Variants in SLCO1B3 observed in about 807,000 individuals in gnomAD.
SLCO1B3 encodes solute carrier organic anion transporter family member 1B3, also known as liver-specific organic anion transporter 2.
In SLCO1B3, 72 loss-of-function variants were observed where a neutral mutation model predicts 71.8. The observed-to-expected ratio is 1.00, with a 90% confidence interval of 0.83 to 1.22. The LOEUF (loss-of-function observed/expected upper bound fraction) is 1.22, where lower values mean the gene tolerates loss of function less well. SLCO1B3 is among the 50% of genes most tolerant of loss of function. SLCO1B3 has a pLI of 0.00. For synonymous variants in SLCO1B3, 298 were observed against 278.4 expected (o/e 1.07, Z -0.70); for missense variants, 911 against 819.7 (o/e 1.11, Z -1.36).
chr12:20,842,855 G>A (rs146178902), intron 3 of SLCO1B3, among the ~76,000 whole-genome samples: 331 of 152,168 alleles, frequency 2.2e-3, no homozygotes, highest in African/African-American at 6.1e-3. Context: ...TAAAGACTTC[G>A]AGAAGTGATT....
intron 5 of SLCO1B3, among the ~76,000 whole-genome samples, chr12:20,860,601 G>GTGTGTGTGTT (rs1865241859): frequency 3.9e-5 from 4 of 103,758 alleles, no homozygotes; most frequent in African/African-American, 2.2e-4. Context: ...CAAGCACTTT[G>GTGTGTGTGTT]TGTGTGTGTG....
At chr12:20,910,072 T>C (rs192703548) in intron 15 of SLCO1B3, among the ~76,000 whole-genome samples, 1 of 152,314 alleles carries the variant, frequency 6.6e-6, no homozygotes, top group African/African-American at 2.4e-5. Context: ...CTTACTCCTG[T>C]GTTACGTCCT....
At chr12:20,868,870 C>G (rs1439849329) in intron 8 of SLCO1B3, among the ~76,000 whole-genome samples, 2 of 152,110 alleles carry the variant, frequency 1.3e-5, no homozygotes, top group African/African-American at 4.8e-5. Flanking sequence ...TGCCTGGCAG[C>G]CGAGGCAGAG....
In SLCO1B3 at chr12:20,836,474, C is replaced by G. The variant is rs1471363639; in HGVS notation, c.85-18554C>G. Among the ~76,000 whole-genome samples, 3 of 151,822 alleles carry G rather than the reference C, an allele frequency of 2.0e-5. No homozygotes were observed. In the East Asian group the frequency reaches 5.8e-4, roughly 29 times the overall value. On this transcript the variant is annotated intron_variant, in intron 3 of 15. Transcript: ENST00000381545. ...CTACATTTTTTTGTTATTGTAATAT[C>G]TTGGATTTTAGTATCAGGGTAATGC...
At chr12:20,901,833 G>A (rs1449887324) in intron 15 of SLCO1B3, 1 of 401,824 alleles carries the variant, frequency 2.5e-6, no homozygotes, top group African/African-American at 2.2e-5. Flanking sequence ...ACCAGCTGCA[G>A]CTCTGGTTAT....
chr12:20,898,550 A>G, intron 14 of SLCO1B3, 50 bp downstream of exon 14: 4 of 886,742 alleles, frequency 4.5e-6, no homozygotes, highest in Non-Finnish European at 7.1e-6. Flanking sequence ...TATTAATGTT[A>G]AATACTAAAG....
At chr12:20,835,238 C>T (rs1344694909) in intron 3 of SLCO1B3, among the ~76,000 whole-genome samples, 1 of 152,182 alleles carries the variant, frequency 6.6e-6, no homozygotes, top group Admixed American at 6.5e-5. Flanking sequence ...CCTTCTAGAC[C>T]TCCAGACCCG....
intron 5 of SLCO1B3, among the ~76,000 whole-genome samples, chr12:20,859,492 C>CCCA (rs1565592078): frequency 4.2e-5 from 6 of 142,496 alleles, no homozygotes; most frequent in African/African-American, 1.5e-4. Flanking sequence ...TGTTTTTTTC[C>CCCA]CCCTCTACAT....
Position 20,880,867 on chromosome 12 carries a change from G to A in SLCO1B3, c.1344G>A (p.Val448=). The change falls in exon 12 of 16, where the codon GTG becomes GTA. Residue 448 remains valine (V), a synonymous_variant. Transcript: ENST00000381545. Reference sequence around the variant, plus strand: ...CATATATTTTCAGAAATAATTCAGTGGCATCTCATGTAGATGTACCACTTT... The same window carrying A: ...CATATATTTTCAGAAATAATTCAGTAGCATCTCATGTAGATGTACCACTTT... The part of the protein sequence containing the change: ...LTLTYDGNNS[V]ASHVDVPLSY... 1 of 1,588,690 alleles carries A rather than the reference G, an allele frequency of 6.3e-7. No homozygotes were observed. Among genetic ancestry groups the A allele is most frequent in the Non-Finnish European group, 8.6e-7 (1 of 1,165,238 alleles).
intron 4 of SLCO1B3, among the ~76,000 whole-genome samples, chr12:20,857,199 A>G (rs1865157860): frequency 6.6e-6 from 1 of 152,032 alleles, no homozygotes; most frequent in Admixed American, 6.5e-5. Context: ...TCTCTTTTTT[A>G]TCTTTAAATA....
chr12:20,902,146 A>G, intron 15 of SLCO1B3: 1 of 232,228 alleles, frequency 4.3e-6, no homozygotes. Flanking sequence ...ATAGAAAAAT[A>G]ATGGTGAAAG....
intron 10 of SLCO1B3, 106 bp downstream of exon 10, chr12:20,878,042 T>C (rs1865617914): frequency 2.7e-6 from 2 of 740,850 alleles, no homozygotes; most frequent in Non-Finnish European, 4.2e-6. Flanking sequence ...TTACTAAATG[T>C]AATCTTATTA....
At chr12:20,845,615 A>C (rs1864901069) in intron 3 of SLCO1B3, among the ~76,000 whole-genome samples, 1 of 94,116 alleles carries the variant, frequency 1.1e-5, no homozygotes, top group Non-Finnish European at 2.7e-5. Context: ...AATATGAAAA[A>C]AAAAATTGAG....
intron 8 of SLCO1B3, among the ~76,000 whole-genome samples, chr12:20,872,476 C>T (rs935980868): frequency 1.3e-5 from 2 of 151,936 alleles, no homozygotes; most frequent in Admixed American, 6.6e-5. Flanking sequence ...TTTATTTTTC[C>T]ACCACTTCTC....
At chr12:20,847,621 C>T (rs1463228137) in intron 3 of SLCO1B3, among the ~76,000 whole-genome samples, 14 of 152,012 alleles carry the variant, frequency 9.2e-5, no homozygotes, top group Admixed American at 9.2e-4. Flanking sequence ...AGTTCAGTGG[C>T]AACCTTAAGC....
intron 13 of SLCO1B3, among the ~76,000 whole-genome samples, chr12:20,894,240 T>C (rs1865957171): frequency 6.6e-6 from 1 of 152,186 alleles, no homozygotes; most frequent in Admixed American, 6.5e-5. Context: ...AGCTGCTCAA[T>C]ATCATATGTA....
chr12:20,856,679 C>T (rs1010423762), intron 4 of SLCO1B3, among the ~76,000 whole-genome samples: 2 of 152,168 alleles, frequency 1.3e-5, no homozygotes, highest in Admixed American at 1.3e-4. Context: ...CCTGTCTCAG[C>T]CTCCCGAGTA....
chr12:20,859,290 A>G (rs190829212), intron 5 of SLCO1B3, among the ~76,000 whole-genome samples: 37 of 152,324 alleles, frequency 2.4e-4, no homozygotes, highest in African/African-American at 8.4e-4. Context: ...GTTACGTTTT[A>G]CACATAGATA....
intron 13 of SLCO1B3, among the ~76,000 whole-genome samples, chr12:20,889,867 G>A (rs1452158128): frequency 6.6e-6 from 1 of 151,224 alleles, no homozygotes; most frequent in Admixed American, 6.6e-5. Flanking sequence ...TTGTATCTCA[G>A]AGGTTTTGGT....
Sources: allele counts gnomAD v4.1 joint callset (sites outside exome capture counted in the v4.1 genomes callset), GRCh38; gene constraint gnomAD v4.1.1; transcripts MANE v1.5; gene names NCBI Gene and HGNC (gene_info 2026-07-23, HGNC 2026-07-21).